PCDHGA3: variants seen among roughly 807,000 people sequenced by gnomAD.
PCDHGA3 encodes protocadherin gamma subfamily A, 3.
Under a neutral mutation model 58.5 loss-of-function variants are expected in PCDHGA3, and 40 were observed. The observed-to-expected ratio is 0.68, with a 90% confidence interval of 0.53 to 0.89. The LOEUF (loss-of-function observed/expected upper bound fraction) is 0.89, where lower values mean the gene tolerates loss of function less well. Ranked by LOEUF, PCDHGA3 falls within the 40% of genes least tolerant of loss-of-function variation. The pLI is 0.00. For synonymous variants in PCDHGA3, 530 were observed against 525.7 expected (o/e 1.01, Z -0.11); for missense variants, 1,223 against 1,195.9 (o/e 1.02, Z -0.33).
rs1460626002 is a variant in PCDHGA3, at chr5:141,486,935, C to A, written c.2425-7872C>A. ...ACTGCCTCCATCAGTTGGTGCTGGC[C>A]ACCTAATCACAAAGGTGACTGCTGT... On this transcript the variant is annotated intron_variant, in intron 1 of 3. Transcript: ENST00000253812. This position sits in a 1 kb window ranked among gnomAD's most constrained non-coding sequence, Gnocchi z 5.0. 5 of 1,614,228 alleles carry A rather than the reference C, an allele frequency of 3.1e-6. No individual in the cohort carries two copies. The highest frequency in any genetic ancestry group is 4.2e-6 in the Non-Finnish European group (5 of 1,180,038).
At chr5:141,420,965 TA>T (rs1468739825) in intron 1 of PCDHGA3, 6 of 433,892 alleles carry the variant, frequency 1.4e-5, no homozygotes, top group African/African-American at 1.0e-4. Flanking sequence ...GTCGTTGCAA[TA>T]ATAAGAATGG....
chr5:141,431,093 G>A lies in PCDHGA3; in HGVS notation c.2425-63714G>A. 6.2e-7 allele frequency: 1 copy of A among 1,614,250 alleles called. No individual in the cohort carries two copies. The highest frequency in any genetic ancestry group is 8.5e-7 in the Non-Finnish European group (1 of 1,180,032). On this transcript the variant is annotated intron_variant, in intron 1 of 3. Transcript: ENST00000253812. The surrounding 1 kb of genome is among the most constrained non-coding windows in gnomAD (Gnocchi z 4.8). Reference sequence around the variant, plus strand: ...ATTAAATCTAGACATTCTGATGGAGGATAAAGTGAAAATATATGGAGTAGA... The same window carrying A: ...ATTAAATCTAGACATTCTGATGGAGAATAAAGTGAAAATATATGGAGTAGA...
intron 1 of PCDHGA3, chr5:141,364,905 C>T (rs1326447228): frequency 2.5e-6 from 4 of 1,613,944 alleles, no homozygotes; most frequent in African/African-American, 2.7e-5. Context: ...CAAAAGTATC[C>T]GGAGCTGGTG....
chr5:141,497,796 TC>T (rs1251163385), intron 2 of PCDHGA3, among the ~76,000 whole-genome samples: 2 of 152,160 alleles, frequency 1.3e-5, no homozygotes, highest in African/African-American at 2.4e-5. Context: ...TGCTTCAGCT[TC>T]CCAAAGTGCT....
At chr5:141,505,574 C>T (rs1275802375) in intron 3 of PCDHGA3, 93 bp downstream of exon 3, 13 of 1,593,636 alleles carry the variant, frequency 8.2e-6, no homozygotes, top group Non-Finnish European at 1.1e-5. Context: ...GGATGTCAAA[C>T]CTGTGTAGTT....
chr5:141,372,406 T>C, intron 1 of PCDHGA3: 7 of 1,614,058 alleles, frequency 4.3e-6, no homozygotes, highest in Non-Finnish European at 5.9e-6. Flanking sequence ...TTGCAAGAGA[T>C]ACAACCTGAC....
chr5:141,377,889 C>T (rs914946378), intron 1 of PCDHGA3: 1 of 152,056 alleles, frequency 6.6e-6, no homozygotes, highest in Non-Finnish European at 1.5e-5. Flanking sequence ...AGATAGGATC[C>T]CCCTCTGTTG....
chr5:141,346,317 G>C lies in PCDHGA3; in HGVS notation c.2284G>C (p.Asp762His), dbSNP rs774594124. Residue 762 changes from aspartate (D) to histidine (H), a missense_variant, in exon 1 of 4, where the codon GAC (aspartate) becomes CAC (histidine). Asp to His is a moderately conservative substitution (Grantham distance 81). Transcript: ENST00000253812. ...TYSHEVSLTA[D>H]SRKSHLIFPQ... ...TTCCCACGAGGTCTCCCTCACTGCG[G>C]ACTCGCGGAAGAGCCACCTGATTTT... 16 of 1,614,090 alleles carry C rather than the reference G, an allele frequency of 9.9e-6. No individual in the cohort carries two copies. The Middle Eastern group carries it at 4.9e-4, about 50-fold the overall frequency.
rs779287151 is a variant in PCDHGA3, at chr5:141,384,468, G to A, written c.2424+38011G>A. 8.7e-6 allele frequency: 14 copies of A among 1,613,988 alleles called. No homozygotes were observed. The Admixed American group carries it at 2.0e-4, about 23-fold the overall frequency. On this transcript the variant is annotated intron_variant, in intron 1 of 3. Coordinates refer to ENST00000253812, the MANE Select transcript of PCDHGA3 (RefSeq NM_018916.4). ...ACGCGCTGCAATCCTTTGATTATGA[G>A]CAGTTGAGAGAACTACAACTAAGAG...
Position 141,409,086 on chromosome 5 carries a change from A to G in PCDHGA3, c.2424+62629A>G, listed in dbSNP as rs1019017199. 6.8e-6 allele frequency: 11 copies of G among 1,613,904 alleles called. No homozygotes were observed. Among genetic ancestry groups the G allele is most frequent in the African/African-American group, 5.3e-5 (4 of 74,932 alleles). On this transcript the variant is annotated intron_variant, in intron 1 of 3. Transcript: ENST00000253812. ...AGCACAAAACATATGTTCTCATTGG[A>G]TGAGAAAACAGGTATGATTAAGAAT... is the stretch of plus-strand genomic sequence containing the variant.
At chr5:141,357,699 T>G in intron 1 of PCDHGA3, 1 of 1,511,918 alleles carries the variant, frequency 6.6e-7, no homozygotes, top group Non-Finnish European at 8.9e-7. Flanking sequence ...ATTTTATATG[T>G]AATATATCAA....
At chr5:141,478,904 T>G in intron 1 of PCDHGA3, 1 of 958,800 alleles carries the variant, frequency 1.0e-6, no homozygotes, top group Non-Finnish European at 1.5e-6. Context: ...AGGAATAAGC[T>G]GCTGGATACC....
Position 141,360,974 on chromosome 5 carries a change from C to G in PCDHGA3, c.2424+14517C>G, listed in dbSNP as rs578154507. On this transcript the variant is annotated intron_variant, in intron 1 of 3. Transcript: ENST00000253812. The stretch of plus-strand genomic sequence containing the variant: ...GGCATAAACGCAGAGATCACCTACT[C>G]CTTTCATAATGTGGACGAACAAGTG... The G allele has an allele frequency of 2.5e-6, 4 of 1,613,822 alleles. No individual in the cohort carries two copies. The South Asian group carries it at 4.4e-5, about 18-fold the overall frequency.
intron 1 of PCDHGA3, chr5:141,421,947 C>T: frequency 6.2e-7 from 1 of 1,613,118 alleles, no homozygotes; most frequent in African/African-American, 1.3e-5. Context: ...ATGATCACAT[C>T]CCAATGTTTA....
intron 1 of PCDHGA3, chr5:141,364,245 A>G (rs1763237090): frequency 1.4e-6 from 2 of 1,460,650 alleles, no homozygotes; most frequent in Non-Finnish European, 9.1e-7. Flanking sequence ...CATTTTCGTC[A>G]GGGAATATGT....
Position 141,476,348 on chromosome 5 carries a change from G to C in PCDHGA3, c.2425-18459G>C, listed in dbSNP as rs764669470. Reference sequence around the variant, plus strand: ...GTCTGGAGCTAGCCGAAGATTCTTTGAGGTGAACCGGGAGACCGGAGAGAT... The same window carrying C: ...GTCTGGAGCTAGCCGAAGATTCTTTCAGGTGAACCGGGAGACCGGAGAGAT... On this transcript the variant is annotated intron_variant, in intron 1 of 3. Transcript: ENST00000253812. The surrounding 1 kb of genome is among the most constrained non-coding windows in gnomAD (Gnocchi z 7.6). 2 of 1,614,190 alleles carry C rather than the reference G, an allele frequency of 1.2e-6. No individual in the cohort carries two copies. The highest frequency in any genetic ancestry group is 2.2e-5 in the South Asian group (2 of 91,078).
chr5:141,484,994 G>A (rs1257915410), intron 1 of PCDHGA3: 4 of 610,330 alleles, frequency 6.6e-6, no homozygotes, highest in Non-Finnish European at 1.2e-5. Context: ...GGTGGTGAAA[G>A]GCAGACAAAT....
chr5:141,502,383 G>A (rs941410477), intron 2 of PCDHGA3, among the ~76,000 whole-genome samples: 2 of 151,846 alleles, frequency 1.3e-5, no homozygotes, highest in African/African-American at 4.8e-5. Context: ...CAGGCCAGTT[G>A]TACTTTAAAA....
rs140459920 is a variant in PCDHGA3, at chr5:141,386,998, C to T, written c.2424+40541C>T. ...TGTGTTTTGAGGCTATGTATTATCCCCCTGATAACTTTGAAGATGAATGTT... is the reference window on the plus strand; with the variant it reads ...TGTGTTTTGAGGCTATGTATTATCCTCCTGATAACTTTGAAGATGAATGTT... On this transcript the variant is annotated intron_variant, in intron 1 of 3. Coordinates refer to ENST00000253812, the MANE Select transcript of PCDHGA3 (RefSeq NM_018916.4). Among the ~76,000 whole-genome samples, 1,144 of 152,176 alleles carry T rather than the reference C, an allele frequency of 7.5e-3. 3 individuals are homozygous for T. The highest frequency in any genetic ancestry group is 0.012 in the Non-Finnish European group (791 of 68,006).
Sources: allele counts gnomAD v4.1 joint callset (sites outside exome capture counted in the v4.1 genomes callset), GRCh38; gene constraint gnomAD v4.1.1; non-coding constraint Gnocchi (gnomAD v3.1); transcripts MANE v1.5; gene names NCBI Gene and HGNC (gene_info 2026-07-23, HGNC 2026-07-21).